Variants in GPC5 observed in about 807,000 individuals in gnomAD.
GPC5 encodes glypican 5.
Under a neutral mutation model 53.9 loss-of-function variants are expected in GPC5, and 47 were observed. That is an observed-to-expected ratio of 0.87 (90% CI 0.69 to 1.11). The LOEUF (loss-of-function observed/expected upper bound fraction) is 1.11. Among genes scored for constraint, GPC5 ranks in the 50% most tolerant of loss-of-function variants. The pLI is 0.00. For synonymous variants in GPC5, 286 were observed against 263.3 expected (o/e 1.09, Z -0.84); for missense variants, 748 against 713.1 (o/e 1.05, Z -0.56).
intron 6 of GPC5, among the ~76,000 whole-genome samples, chr13:92,108,284 C>G (rs929815066): frequency 6.6e-6 from 1 of 152,074 alleles, no homozygotes; most frequent in Admixed American, 6.6e-5. Context: ...TGAAAAATAT[C>G]CTTAGAGGAC....
chr13:92,295,574 A>AT (rs766361325), intron 7 of GPC5, among the ~76,000 whole-genome samples: 2 of 152,072 alleles, frequency 1.3e-5, no homozygotes, highest in Non-Finnish European at 2.9e-5. Context: ...CCCCACTATT[A>AT]TTATGTTGCT....
chr13:91,595,858 T>G (rs540166835), intron 2 of GPC5, among the ~76,000 whole-genome samples: 19 of 152,356 alleles, frequency 1.2e-4, no homozygotes, highest in African/African-American at 4.6e-4. Context: ...CTTCTGCAAT[T>G]GCTTTAGTGA....
chr13:91,609,423 A>G (rs933794593), intron 2 of GPC5, among the ~76,000 whole-genome samples: 3 of 152,200 alleles, frequency 2.0e-5, no homozygotes, highest in Non-Finnish European at 2.9e-5. Context: ...ACTGATTCCC[A>G]GGAGGGGAAC....
chr13:92,132,759 T>A (rs945098916), intron 6 of GPC5, among the ~76,000 whole-genome samples: 3 of 152,082 alleles, frequency 2.0e-5, no homozygotes, highest in African/African-American at 7.2e-5. Flanking sequence ...GTATTGGGGG[T>A]TAGGACATTA....
chr13:92,123,865 A>C (rs1429688946), intron 6 of GPC5, among the ~76,000 whole-genome samples: 1 of 152,214 alleles, frequency 6.6e-6, no homozygotes, highest in Non-Finnish European at 1.5e-5. Flanking sequence ...GTATTGAATA[A>C]ACCTTATTTA....
chr13:91,616,914 C>T (rs2139340822), intron 2 of GPC5, among the ~76,000 whole-genome samples: 2 of 152,226 alleles, frequency 1.3e-5, no homozygotes, highest in Middle Eastern at 6.8e-3. Flanking sequence ...AGCCTTCACA[C>T]TGATTCTGAT....
intron 2 of GPC5, among the ~76,000 whole-genome samples, chr13:91,526,499 G>A (rs1886092750): frequency 6.6e-6 from 1 of 152,192 alleles, no homozygotes; most frequent in East Asian, 1.9e-4. Context: ...AAACTGGTTA[G>A]AGAGAACTAG....
In GPC5 at chr13:91,399,169, G is replaced by T. The variant is rs756628861; in HGVS notation, c.123G>T (p.Leu41=). 1 of 1,612,762 alleles carries T rather than the reference G, an allele frequency of 6.2e-7. No individual in the cohort carries two copies. Among genetic ancestry groups the T allele is most frequent in the South Asian group, 1.1e-5 (1 of 91,008 alleles). The change falls in exon 1 of 8, where the codon CTG becomes CTT. Residue 41 remains leucine, a synonymous_variant. Transcript: ENST00000377067. ...EEVRKLFQWR[L]LGAVRGLPDS... ...TTCGGAAACTTTTCCAGTGGCGGCT[G>T]CTGGGAGCTGTCAGGGGGCTGCCGG...
intron 7 of GPC5, among the ~76,000 whole-genome samples, chr13:92,249,664 A>G (rs867240036): frequency 6.6e-6 from 1 of 152,004 alleles, no homozygotes; most frequent in African/African-American, 2.4e-5. Context: ...GGCATGCTCA[A>G]TGGTTTAGTA....
At chr13:92,197,690 AT>A (rs2042266893) in intron 7 of GPC5, among the ~76,000 whole-genome samples, 1 of 137,736 alleles carries the variant, frequency 7.3e-6, no homozygotes. Context: ...GTATTTTTGT[AT>A]TTTTGCTAGA....
chr13:92,851,652 A>C (rs924247969), intron 7 of GPC5, among the ~76,000 whole-genome samples: 2 of 151,682 alleles, frequency 1.3e-5, no homozygotes, highest in Non-Finnish European at 2.9e-5. Context: ...GAGGCCAAGG[A>C]GGGCGGATCA....
At chr13:92,313,018 G>A (rs1449881449) in intron 7 of GPC5, among the ~76,000 whole-genome samples, 1 of 152,118 alleles carries the variant, frequency 6.6e-6, no homozygotes, top group East Asian at 1.9e-4. Flanking sequence ...ACATATTAAT[G>A]TGGAGTTAAT....
At chr13:92,184,918 C>A (rs556693655) in intron 7 of GPC5, among the ~76,000 whole-genome samples, 24 of 152,186 alleles carry the variant, frequency 1.6e-4, no homozygotes, top group African/African-American at 5.8e-4. Flanking sequence ...CAGGGTTGGG[C>A]AAACACACAA....
intron 7 of GPC5, among the ~76,000 whole-genome samples, chr13:92,609,334 C>G (rs1037929268): frequency 6.6e-6 from 1 of 152,098 alleles, no homozygotes; most frequent in African/African-American, 2.4e-5. Flanking sequence ...GGTGATGACA[C>G]TTATTACCTT....
In GPC5 at chr13:92,852,122, A is replaced by G. The variant is rs149235679; in HGVS notation, c.1562-14160A>G. On this transcript the variant is annotated intron_variant, in intron 7 of 7. Transcript: ENST00000377067. ...CTCAACCTGTATGCAGAGTGAAAGA[A>G]AGAGGAATTCTTGGATTAAGTCTTT... Among the ~76,000 whole-genome samples the G allele has an allele frequency of 2.3e-3, 350 of 152,294 alleles. 2 individuals are homozygous for G. Among genetic ancestry groups the G allele is most frequent in the African/African-American group, 7.8e-3 (324 of 41,554 alleles).
intron 7 of GPC5, among the ~76,000 whole-genome samples, chr13:92,859,837 G>A (rs1309817942): frequency 2.0e-5 from 3 of 151,944 alleles, no homozygotes; most frequent in African/African-American, 7.2e-5. Context: ...GTGTTCTTTT[G>A]CTAAATTCTT....
chr13:92,361,589 G>A (rs995065891), intron 7 of GPC5, among the ~76,000 whole-genome samples: 4 of 151,666 alleles, frequency 2.6e-5, no homozygotes, highest in Admixed American at 1.3e-4. Flanking sequence ...CTGAGGAGGA[G>A]TGGAAAATGG....
At chr13:91,745,676 T>A (rs1456304915) in intron 4 of GPC5, among the ~76,000 whole-genome samples, 1 of 152,180 alleles carries the variant, frequency 6.6e-6, no homozygotes, top group Non-Finnish European at 1.5e-5. Flanking sequence ...GTTTCTGTAA[T>A]GAGCAATGAG....
At chr13:92,122,738 G>A (rs2041660473) in intron 6 of GPC5, among the ~76,000 whole-genome samples, 2 of 75,308 alleles carry the variant, frequency 2.7e-5, no homozygotes, top group East Asian at 7.5e-4. Flanking sequence ...CTATAGGTCA[G>A]TCTTTTTTTT....
Sources: gnomAD v4.1 joint callset for allele counts (sites outside exome capture counted in the v4.1 genomes callset) on GRCh38, gnomAD v4.1.1 for gene constraint, MANE v1.5 for transcripts, NCBI Gene and HGNC (gene_info 2026-07-23, HGNC 2026-07-21) for gene names.